The following ZNF273 variants were observed in gnomAD, a reference collection of about 807,000 sequenced individuals.
ZNF273 encodes zinc finger protein 9.
Under a neutral mutation model 14.9 loss-of-function variants are expected in ZNF273, and 11 were observed. The observed-to-expected ratio is 0.74, with a 90% CI of 0.46 to 1.22. ZNF273 has a LOEUF of 1.22. Ranked by LOEUF, ZNF273 falls within the 50% of genes most tolerant of loss-of-function variation. ZNF273 has a pLI of 0.00. For synonymous variants in ZNF273, 199 were observed against 223.9 expected, an observed-to-expected ratio of 0.89 and a Z score of 0.99; for missense variants, 577 against 660.6, an observed-to-expected ratio of 0.87 and a Z score of 1.39.
rs372798331 is a variant in ZNF273, at chr7:64,928,792, C to A, written c.1464C>A (p.Cys488Ter). The change falls in exon 4 of 4, where the codon TGC (cysteine) becomes TGA (stop). Residue 488 changes from cysteine (C) to a stop codon, truncating the protein, a stop_gained. Coordinates refer to ENST00000476120, the MANE Select transcript of ZNF273 (RefSeq NM_021148.3). LOFTEE classifies it low-confidence loss of function (END_TRUNC). ...ATACTGGAGAGAAACCTTACAAATGCAATGAATGTGGTAAAGCCTTTAACT... is the reference window on the plus strand; with the variant it reads ...ATACTGGAGAGAAACCTTACAAATGAAATGAATGTGGTAAAGCCTTTAACT... Reference protein sequence around the residue: ...RVHTGEKPYKCNECGKAFNWS... With the variant: ...RVHTGEKPYK 9 of 1,612,640 alleles carry A rather than the reference C, an allele frequency of 5.6e-6. No individual in the cohort carries two copies. The African/African-American group carries it at 1.2e-4, about 22-fold the overall frequency.
chr7:64,888,440 G>A, intron 1 of ZNF273: 1 of 985,794 alleles, frequency 1.0e-6, no homozygotes, highest in Non-Finnish European at 1.2e-6. Flanking sequence ...GAAGGGCCTG[G>A]CTCTCAAGGA....
In ZNF273 at chr7:64,928,318, C is replaced by T; in HGVS notation, c.990C>T (p.Phe330=). Residue 330 remains phenylalanine, a synonymous_variant, in exon 4 of 4, where the codon TTC becomes TTT. Transcript: ENST00000476120. The part of the protein sequence containing the change: ...CEECGKGFSI[F]STLTKHKIIH... ...AATGTGGCAAAGGCTTTAGTATATT[C>T]TCAACCCTTACTAAACATAAGATAA... 8 of 1,613,580 alleles carry T rather than the reference C, an allele frequency of 5.0e-6. No homozygotes were observed. Among genetic ancestry groups the T allele is most frequent in the Admixed American group, 1.7e-5 (1 of 59,978 alleles).
At chr7:64,923,434 G>A (rs1464297448) in intron 3 of ZNF273, 25 of 450,362 alleles carry the variant, frequency 5.6e-5, no homozygotes, top group Admixed American at 2.4e-5. Context: ...TCTGCCCCTC[G>A]GGATTCAAGT....
rs1182221886 is a variant in ZNF273, at chr7:64,928,325, C to A, written c.997C>A (p.Leu333Ile). Residue 333 changes from leucine (L) to isoleucine (I), a missense_variant, in exon 4 of 4, where the codon CTT (leucine) becomes ATT (isoleucine). This residue lies in a region of ZNF273 where 411 missense variants were observed against 440.4 expected (regional missense o/e 0.93). Transcript: ENST00000476120. ...CAAAGGCTTTAGTATATTCTCAACC[C>A]TTACTAAACATAAGATAATTCATAC... ...CGKGFSIFST[L>I]TKHKIIHTGE... 6.2e-7 allele frequency: 1 copy of A among 1,613,640 alleles called. No homozygotes were observed. The highest frequency in any genetic ancestry group is 8.5e-7 in the Non-Finnish European group (1 of 1,179,804).
chr7:64,889,371 G>A, downstream of ZNF273: 1 of 969,982 alleles, frequency 1.0e-6, no homozygotes, highest in African/African-American at 1.8e-5. The surrounding 1 kb of genome is among the most constrained non-coding windows in gnomAD (Gnocchi z 4.2). Context: ...TCCGGCCCGG[G>A]GTCATCTGGC....
chr7:64,909,532 A>T (rs1793346105), intron 1 of ZNF273, among the ~76,000 whole-genome samples: 1 of 152,080 alleles, frequency 6.6e-6, no homozygotes, highest in Non-Finnish European at 1.5e-5. Context: ...CCCAGCCATA[A>T]TGTTTTCTTT....
intron 1 of ZNF273, among the ~76,000 whole-genome samples, chr7:64,915,774 G>C (rs1376903817): frequency 6.6e-6 from 1 of 152,190 alleles, no homozygotes; most frequent in East Asian, 1.9e-4. Flanking sequence ...GGGGTCCTTT[G>C]TAAATATGGA....
At position 64,928,021 on chromosome 7, in the gene ZNF273, GA is replaced by G; in HGVS notation, c.695del (p.Asn232IlefsTer23). On this transcript the variant is annotated frameshift_variant, in exon 4 of 4. Coordinates refer to ENST00000476120, the MANE Select transcript of ZNF273 (RefSeq NM_021148.3). LOFTEE classifies it low-confidence loss of function (END_TRUNC). ...TQHKKTATRV[N>X]FYKCKTCGKA... ...AGCATAAGAAAACTGCTACTAGAGT[GA>G]ATTTCTACAAATGTAAGACATGTGG... 6.2e-7 allele frequency: 1 copy of G among 1,613,992 alleles called. No homozygotes were observed. Among genetic ancestry groups the G allele is most frequent in the South Asian group, 1.1e-5 (1 of 91,072 alleles).
intron 1 of ZNF273, among the ~76,000 whole-genome samples, chr7:64,903,991 T>A (rs1792913053): frequency 6.6e-6 from 1 of 152,230 alleles, no homozygotes; most frequent in Non-Finnish European, 1.5e-5. Flanking sequence ...GGACATTTCC[T>A]GGTTATGTCA....
At chr7:64,888,861 G>A (rs539581507) in exon 2 of ZNF273, 35 of 985,954 alleles carry the variant, frequency 3.5e-5, no homozygotes, top group Middle Eastern at 1.0e-3. Flanking sequence ...CTCAAGCCAT[G>A]TTCATCTATC....
exon 2 of ZNF273, chr7:64,888,642 T>G (rs1018181243): frequency 2.0e-6 from 2 of 985,700 alleles, no homozygotes; most frequent in Admixed American, 6.1e-5. Context: ...CTGGATCTGT[T>G]TTCTGCCCCT....
chr7:64,895,045 G>A (rs1352304249), intron 3 of ZNF273, among the ~76,000 whole-genome samples: 1 of 152,092 alleles, frequency 6.6e-6, no homozygotes, highest in African/African-American at 2.4e-5. Flanking sequence ...GCTGAGGCAG[G>A]AGAATCACTT....
At position 64,928,146 on chromosome 7, in the gene ZNF273, A is replaced by G. The variant is rs747272647; in HGVS notation, c.818A>G (p.Gln273Arg). The change falls in exon 4 of 4, where the codon CAG becomes CGG. Residue 273 changes from glutamine (Q) to arginine (R), a missense_variant. Around this residue, in one of 3 missense-constraint regions of ZNF273, gnomAD observed 411 missense variants for 440.4 expected, o/e 0.93. Coordinates refer to ENST00000476120, the MANE Select transcript of ZNF273 (RefSeq NM_021148.3). ...GAAGAATGTGGCAAAGCCTTTAACC[A>G]GTCCTTAACTCTTACTAAACATAAA... ...KCEECGKAFN[Q>R]SLTLTKHKKI... 1.2e-5 allele frequency: 19 copies of G among 1,613,008 alleles called. No homozygotes were observed. The East Asian group carries it at 4.2e-4, about 36-fold the overall frequency.
At chr7:64,893,079 G>A (rs1320819763), downstream of ZNF273, among the ~76,000 whole-genome samples, 1 of 150,238 alleles carries the variant, frequency 6.7e-6, no homozygotes, top group East Asian at 2.0e-4. Context: ...TATGTTTGCA[G>A]CTCCATTTTT....
chr7:64,889,151 G>T (rs899749162), downstream of ZNF273: 15 of 985,952 alleles, frequency 1.5e-5, no homozygotes, highest in East Asian at 1.0e-3. This position sits in a 1 kb window ranked among gnomAD's most constrained non-coding sequence, Gnocchi z 4.2. Context: ...GGGGACGCCC[G>T]GGCTGAGCTG....
chr7:64,903,505 C>A (rs1189550935), intron 1 of ZNF273, 86 bp downstream of exon 1: 3 of 1,332,070 alleles, frequency 2.3e-6, no homozygotes, highest in Non-Finnish European at 2.1e-6. Flanking sequence ...ACTCCGGCCT[C>A]CCTGCAGTAG....
At chr7:64,913,414 G>A (rs1184461677) in intron 1 of ZNF273, among the ~76,000 whole-genome samples, 1 of 152,248 alleles carries the variant, frequency 6.6e-6, no homozygotes, top group Non-Finnish European at 1.5e-5. Context: ...ATCACATAAT[G>A]TGTTATTTCC....
At chr7:64,883,708 G>A (rs116179852), downstream of ZNF273, among the ~76,000 whole-genome samples, 1,396 of 152,256 alleles carry the variant, frequency 9.2e-3, 16 homozygotes, top group African/African-American at 0.032. Context: ...TGTCATTCCC[G>A]GAGCCACATG....
At chr7:64,924,763 T>C (rs1268814810) in intron 3 of ZNF273, among the ~76,000 whole-genome samples, 1 of 152,130 alleles carries the variant, frequency 6.6e-6, no homozygotes, top group East Asian at 1.9e-4. Context: ...AGATCTTTGC[T>C]GAGTCTTGTA....
Sources: allele counts gnomAD v4.1 joint callset (sites outside exome capture counted in the v4.1 genomes callset), GRCh38; gene constraint gnomAD v4.1.1; regional missense constraint gnomAD v4.1.1; non-coding constraint Gnocchi (gnomAD v3.1); transcripts MANE v1.5; gene names NCBI Gene and HGNC (gene_info 2026-07-23, HGNC 2026-07-21).